COLEC12: variants seen among roughly 807,000 people sequenced by gnomAD.
COLEC12 encodes collectin subfamily member 12, also known as collectin-12.
COLEC12 carries 33 observed loss-of-function variants against 71.1 expected under a neutral mutation model. The observed-to-expected ratio is 0.46, with a 90% CI of 0.35 to 0.62. The LOEUF (loss-of-function observed/expected upper bound fraction) is 0.62, where lower values mean the gene tolerates loss of function less well. COLEC12 is among the 20% of genes least tolerant of loss of function. COLEC12 has a pLI of 0.00. For missense variants in COLEC12, 765 were observed against 916.1 expected, an observed-to-expected ratio of 0.84 and a Z score of 2.13; for synonymous variants, 350 against 353.0, an observed-to-expected ratio of 0.99 and a Z score of 0.10.
At chr18:423,255 T>G (rs1916133857) in intron 2 of COLEC12, among the ~76,000 whole-genome samples, 1 of 152,074 alleles carries the variant, frequency 6.6e-6, no homozygotes, top group African/African-American at 2.4e-5. Context: ...GACAAGAGAG[T>G]GAGATCCTAT....
chr18:343,596 G>A (rs1203223799), intron 5 of COLEC12, among the ~76,000 whole-genome samples: 2 of 152,046 alleles, frequency 1.3e-5, no homozygotes, highest in Non-Finnish European at 2.9e-5. Context: ...CTCACGCTTA[G>A]AATAAAATCC....
At chr18:326,438 C>A (rs1260171986) in intron 8 of COLEC12, among the ~76,000 whole-genome samples, 1 of 152,184 alleles carries the variant, frequency 6.6e-6, no homozygotes, top group Non-Finnish European at 1.5e-5. Flanking sequence ...ACCTCCACCT[C>A]CCGGGTCCAA....
chr18:463,327 G>A (rs1056198645), intron 2 of COLEC12, among the ~76,000 whole-genome samples: 10 of 152,028 alleles, frequency 6.6e-5, no homozygotes, highest in Admixed American at 4.6e-4. Context: ...ACTGGCACAC[G>A]GGTGAAGCCA....
At chr18:360,431 C>T (rs1914719235) in intron 2 of COLEC12, among the ~76,000 whole-genome samples, 1 of 152,052 alleles carries the variant, frequency 6.6e-6, no homozygotes, top group African/African-American at 2.4e-5. Flanking sequence ...GATCCACCCA[C>T]CTCGCCGCCT....
Position 333,050 on chromosome 18 carries a change from T to A in COLEC12, c.1910A>T (p.Asp637Val). Reference protein sequence around the residue: ...IFEDAKLFCEDKSSHLVFINT... With the variant: ...IFEDAKLFCEVKSSHLVFINT... ...TATGAAAACAAGATGTGAAGACTTG[T>A]CTTCACAGAAAAGCTTTGCATCCTC... is the stretch of plus-strand genomic sequence containing the variant. The change falls in exon 7 of 10, where the codon GAC (aspartate) becomes GTC (valine). Residue 637 changes from aspartate (D) to valine (V), a missense_variant. Physicochemically the swap from Asp to Val is radical, Grantham distance 152 (BLOSUM62 -3). Transcript: ENST00000400256. The A allele has an allele frequency of 6.2e-7, 1 of 1,611,864 alleles. No individual in the cohort carries two copies. Among genetic ancestry groups the A allele is most frequent in the Non-Finnish European group, 8.5e-7 (1 of 1,179,386 alleles).
chr18:335,540 G>GT (rs1179105008), intron 5 of COLEC12, among the ~76,000 whole-genome samples: 1 of 152,134 alleles, frequency 6.6e-6, no homozygotes, highest in Admixed American at 6.5e-5. Flanking sequence ...TAGGACTGGT[G>GT]TACTTAAAGA....
intron 2 of COLEC12, among the ~76,000 whole-genome samples, chr18:404,567 G>A (rs542131103): frequency 6.6e-6 from 1 of 152,152 alleles, no homozygotes; most frequent in Admixed American, 6.5e-5. Context: ...CCAAACGGAG[G>A]GACCAGCTGG....
At chr18:433,730 T>G (rs1411954849) in intron 2 of COLEC12, among the ~76,000 whole-genome samples, 1 of 152,046 alleles carries the variant, frequency 6.6e-6, no homozygotes, top group Non-Finnish European at 1.5e-5. Context: ...CCCAGCACTT[T>G]GGAAAGCCAA....
chr18:477,238 T>C (rs1917323142), intron 2 of COLEC12, among the ~76,000 whole-genome samples: 1 of 152,164 alleles, frequency 6.6e-6, no homozygotes, highest in Non-Finnish European at 1.5e-5. Flanking sequence ...AAAAGCACAA[T>C]ATTATTATGT....
chr18:347,779 G>A (rs78757064), intron 4 of COLEC12, among the ~76,000 whole-genome samples: 7,604 of 152,136 alleles, frequency 0.05, 189 homozygotes, highest in Middle Eastern at 0.1. Context: ...TCCTATTTAT[G>A]TGACAGTTTT....
intron 2 of COLEC12, among the ~76,000 whole-genome samples, chr18:395,026 T>C (rs1246760092): frequency 1.3e-5 from 2 of 152,158 alleles, no homozygotes; most frequent in East Asian, 1.9e-4. Context: ...GAATTAGAGG[T>C]TGCAAAGAGA....
chr18:496,809 C>G (rs528472389), intron 1 of COLEC12, among the ~76,000 whole-genome samples: 6 of 152,200 alleles, frequency 3.9e-5, no homozygotes, highest in Non-Finnish European at 7.3e-5. Context: ...GTGGTGGCAG[C>G]TGTTTTTGGT....
At chr18:490,263 C>T (rs1047911781) in intron 1 of COLEC12, among the ~76,000 whole-genome samples, 5 of 152,220 alleles carry the variant, frequency 3.3e-5, no homozygotes, top group Non-Finnish European at 4.4e-5. Flanking sequence ...CCGGCCACCC[C>T]CAGTAATTCT....
chr18:497,384 GT>G (rs869202684), intron 1 of COLEC12, among the ~76,000 whole-genome samples: 153 of 8,366 alleles, frequency 0.018, no homozygotes, highest in Middle Eastern at 0.083. Flanking sequence ...AAAGAATGGG[GT>G]GTGTGTGTGT....
chr18:321,582 G>A (rs1913704907), intron 9 of COLEC12, 80 bp downstream of exon 9: 3 of 1,477,010 alleles, frequency 2.0e-6, no homozygotes, highest in Non-Finnish European at 2.8e-6. Context: ...CCTGCATTCA[G>A]GGCCCTTGTA....
chr18:437,048 G>A (rs1479498527), intron 2 of COLEC12, among the ~76,000 whole-genome samples: 2 of 152,174 alleles, frequency 1.3e-5, no homozygotes, highest in Non-Finnish European at 2.9e-5. Flanking sequence ...GAATAAAATT[G>A]GAGACTGGTA....
intron 2 of COLEC12, among the ~76,000 whole-genome samples, chr18:442,064 ACTGT>A (rs1916553638): frequency 2.0e-5 from 3 of 146,618 alleles, no homozygotes; most frequent in African/African-American, 7.7e-5. Context: ...GCTTCTGATG[ACTGT>A]CAGTGGGGAC....
At chr18:441,853 A>C (rs1034400121) in intron 2 of COLEC12, among the ~76,000 whole-genome samples, 7 of 151,932 alleles carry the variant, frequency 4.6e-5, no homozygotes, top group Non-Finnish European at 1.0e-4. Context: ...ACAAAAAATT[A>C]GCCAGGTGTG....
chr18:331,391 T>C (rs1198040062), intron 8 of COLEC12, among the ~76,000 whole-genome samples: 3 of 152,208 alleles, frequency 2.0e-5, no homozygotes. Flanking sequence ...GCCAGAAGTA[T>C]TATGCTGTGT....
Sources: allele counts gnomAD v4.1 joint callset (sites outside exome capture counted in the v4.1 genomes callset), GRCh38; gene constraint gnomAD v4.1.1; transcripts MANE v1.5; gene names NCBI Gene and HGNC (gene_info 2026-07-23, HGNC 2026-07-21).